MTTP: variants seen among roughly 807,000 people sequenced by gnomAD.
MTTP encodes the protein microsomal triglyceride transfer protein large subunit.
In MTTP, 49 loss-of-function variants were observed where a neutral mutation model predicts 90.6. The ratio of observed to expected loss-of-function variants is 0.54; its 90% CI spans 0.43 to 0.69. MTTP has a LOEUF of 0.69. Among genes scored for constraint, MTTP ranks in the 30% least tolerant of loss-of-function variants. The pLI, the probability that MTTP is intolerant of heterozygous loss-of-function variation, is 0.00. For missense variants in MTTP, 945 were observed against 1,067.5 expected, an observed-to-expected ratio of 0.89 and a Z score of 1.60; for synonymous variants, 347 against 384.2, an observed-to-expected ratio of 0.90 and a Z score of 1.13.
At chr4:99,592,765 GCTGT>G (rs1725462612) in intron 6 of MTTP, among the ~76,000 whole-genome samples, 1 of 152,126 alleles carries the variant, frequency 6.6e-6, no homozygotes, top group Non-Finnish European at 1.5e-5. Context: ...CCTGCCTGAG[GCTGT>G]CTTACAGTTA....
In MTTP at chr4:99,622,975, G is replaced by C; in HGVS notation, c.*127G>C. 1 of 1,239,202 alleles carries C rather than the reference G, an allele frequency of 8.1e-7. No homozygotes were observed. Among genetic ancestry groups the C allele is most frequent in the Admixed American group, 1.8e-5 (1 of 55,598 alleles). 76.8% of individuals were successfully genotyped at this position (1,239,202 alleles called of 1,614,324 possible). A position where few individuals can be genotyped will look rare whatever the true frequency, so the allele number is the denominator to read the frequency against. On this transcript the variant is annotated 3_prime_UTR_variant, in exon 18 of 18. Coordinates refer to ENST00000265517, the MANE Select transcript of MTTP (RefSeq NM_001386140.1). ...CCTGTATTTAAGATTTTTGTAAAAA[G>C]CTACAAAAAACTGCAGTTTGATCAA...
chr4:99,608,667 A>G (rs1725878018), intron 11 of MTTP, 99 bp from the exon 12 acceptor site: 3 of 943,806 alleles, frequency 3.2e-6, no homozygotes, highest in African/African-American at 1.6e-5. Context: ...GTAGTAACAC[A>G]TGTATATTTT....
chr4:99,582,422 A>T (rs1725142657), intron 2 of MTTP, among the ~76,000 whole-genome samples: 1 of 152,186 alleles, frequency 6.6e-6, no homozygotes. Context: ...ATGTTGTATG[A>T]AAAACAATTT....
chr4:99,590,782 T>C (rs1166601816), intron 4 of MTTP, among the ~76,000 whole-genome samples: 2 of 152,094 alleles, frequency 1.3e-5, no homozygotes, highest in African/African-American at 4.8e-5. Flanking sequence ...CAGTGGATTT[T>C]AATTAATCCC....
At chr4:99,574,006 C>A (rs1035757263), upstream of MTTP, among the ~76,000 whole-genome samples, 1 of 152,188 alleles carries the variant, frequency 6.6e-6, no homozygotes, top group African/African-American at 2.4e-5. Flanking sequence ...CTTAGCCATA[C>A]TAGGGTATTT....
intron 17 of MTTP, among the ~76,000 whole-genome samples, chr4:99,622,051 G>A (rs1726247698): frequency 6.6e-6 from 1 of 152,114 alleles, no homozygotes; most frequent in South Asian, 2.1e-4. Context: ...AAAACGCATT[G>A]ATTATATAAA....
intron 1 of MTTP, among the ~76,000 whole-genome samples, chr4:99,577,515 G>C (rs1022411389): frequency 6.8e-6 from 1 of 147,484 alleles, no homozygotes; most frequent in Non-Finnish European, 1.5e-5. Flanking sequence ...TGAGGCAGGA[G>C]AATTGCGTGA....
At chr4:99,606,602 A>G in intron 10 of MTTP, 146 bp from the exon 11 acceptor site, 1 of 752,982 alleles carries the variant, frequency 1.3e-6, no homozygotes, top group Admixed American at 2.1e-5. Context: ...GTTTGCTTTT[A>G]TTCCACTGTG....
At chr4:99,619,498 A>C (rs760363299) in intron 16 of MTTP, among the ~76,000 whole-genome samples, 4 of 152,176 alleles carry the variant, frequency 2.6e-5, no homozygotes, top group African/African-American at 4.8e-5. Context: ...AAATGTTAAG[A>C]GTCCTTAAGT....
At chr4:99,602,234 A>G (rs1193563587) in intron 10 of MTTP, among the ~76,000 whole-genome samples, 9 of 152,056 alleles carry the variant, frequency 5.9e-5, no homozygotes, top group Admixed American at 5.9e-4. Flanking sequence ...TTTATATTTT[A>G]TTTTCAATTT....
At chr4:99,598,390 A>G (rs2110223084) in intron 8 of MTTP, among the ~76,000 whole-genome samples, 1 of 152,298 alleles carries the variant, frequency 6.6e-6, no homozygotes, top group South Asian at 2.1e-4. Flanking sequence ...TGAGAATAAA[A>G]GTGGAATAAT....
intron 14 of MTTP, 78 bp from the exon 15 acceptor site, chr4:99,612,835 T>G: frequency 7.3e-7 from 1 of 1,374,162 alleles, no homozygotes; most frequent in South Asian, 1.2e-5. Context: ...AAGTTCTAGC[T>G]GCAGCTCAGA....
chr4:99,596,686 C>T (rs548656042), intron 7 of MTTP, among the ~76,000 whole-genome samples: 3 of 152,244 alleles, frequency 2.0e-5, no homozygotes, highest in Non-Finnish European at 4.4e-5. Context: ...TATTTTATCT[C>T]TGAAATATTT....
chr4:99,597,188 T>G lies in MTTP; in HGVS notation c.1031T>G (p.Ile344Ser). 1 of 1,613,910 alleles carries G rather than the reference T, an allele frequency of 6.2e-7. No individual in the cohort carries two copies. Among genetic ancestry groups the G allele is most frequent in the Non-Finnish European group, 8.5e-7 (1 of 1,179,888 alleles). The stretch of plus-strand genomic sequence containing the variant: ...CTCAGGACTGCGAAGAAAGAAGAGA[T>G]CCTTCAAATACTAAAGATGGAAAAT... ...QHLRTAKKEE[I>S]LQILKMENKE... The change falls in exon 8 of 18, where the codon ATC becomes AGC. Residue 344 changes from isoleucine (I) to serine (S), a missense_variant. Transcript: ENST00000265517.
At chr4:99,572,761 C>A (rs1724867245), upstream of MTTP, among the ~76,000 whole-genome samples, 1 of 152,002 alleles carries the variant, frequency 6.6e-6, no homozygotes. Flanking sequence ...AACAGAAGAG[C>A]ATACTTCTTC....
Position 99,597,367 on chromosome 4 carries a change from G to C in MTTP, c.1067+143G>C, listed in dbSNP as rs1053662593. On this transcript the variant is annotated intron_variant, in intron 8 of 17. Coordinates refer to ENST00000265517, the MANE Select transcript of MTTP (RefSeq NM_001386140.1). ...TCTTGTACTACATTTTCATCGAAAA[G>C]TTATGCCACAGTGCAGTAATTTAAT... 7 of 942,204 alleles carry C rather than the reference G, an allele frequency of 7.4e-6. 1 individual carries two copies. In the South Asian group the frequency reaches 8.7e-5, roughly 12 times the overall value. The allele number at this position is 942,204 out of a possible 1,614,324, so 58.4% of individuals were successfully genotyped here.
chr4:99,578,125 A>C (rs1725012720), intron 1 of MTTP, among the ~76,000 whole-genome samples: 1 of 152,220 alleles, frequency 6.6e-6, no homozygotes, highest in African/African-American at 2.4e-5. Flanking sequence ...GCCAGTTATC[A>C]GTGATTGTAC....
Position 99,611,134 on chromosome 4 carries a change from A to C in MTTP, c.1770-9A>C. 6.2e-7 allele frequency: 1 copy of C among 1,611,628 alleles called. No homozygotes were observed. Among genetic ancestry groups the C allele is most frequent in the South Asian group, 1.1e-5 (1 of 91,024 alleles). ...AATGTGCAGCTTTTTTTTTCCTCAT[A>C]TGTTGCAGCAAAATTGTCCGTCGAG... On this transcript the variant is annotated splice_polypyrimidine_tract_variant and intron_variant, in intron 12 of 17. Coordinates refer to ENST00000265517, the MANE Select transcript of MTTP (RefSeq NM_001386140.1).
At chr4:99,614,571 T>C (rs1346060349) in intron 15 of MTTP, among the ~76,000 whole-genome samples, 1 of 152,218 alleles carries the variant, frequency 6.6e-6, no homozygotes, top group Non-Finnish European at 1.5e-5. Flanking sequence ...AGGGTTAATA[T>C]GGAAATCTTA....
Sources: allele counts gnomAD v4.1 joint callset (sites outside exome capture counted in the v4.1 genomes callset), GRCh38; gene constraint gnomAD v4.1.1; transcripts MANE v1.5; gene names NCBI Gene and HGNC (gene_info 2026-07-23, HGNC 2026-07-21).